SULF2: variants seen among roughly 807,000 people sequenced by gnomAD.
SULF2 encodes sulfatase 2.
In SULF2, 52 loss-of-function variants were observed where a neutral mutation model predicts 107.7. That is an observed-to-expected ratio of 0.48 (90% CI 0.39 to 0.61). SULF2 has a LOEUF of 0.61. Ranked by LOEUF, SULF2 falls within the 20% of genes least tolerant of loss-of-function variation. The pLI is 0.00. For synonymous variants in SULF2, 460 were observed against 464.3 expected, an observed-to-expected ratio of 0.99 and a Z score of 0.12; for missense variants, 993 against 1,177.3, an observed-to-expected ratio of 0.84 and a Z score of 2.29.
At chr20:47,737,149 C>T (rs1216219422) in intron 2 of SULF2, among the ~76,000 whole-genome samples, 1 of 152,094 alleles carries the variant, frequency 6.6e-6, no homozygotes, top group Non-Finnish European at 1.5e-5. Context: ...CCTGGACACT[C>T]CTGAGGTCCA....
intron 1 of SULF2, among the ~76,000 whole-genome samples, chr20:47,780,707 T>A (rs2090816443): frequency 6.6e-6 from 1 of 151,964 alleles, no homozygotes; most frequent in Non-Finnish European, 1.5e-5. Context: ...GCAAGCACCA[T>A]CACACCTGGC....
At position 47,724,479 on chromosome 20, in the gene SULF2, C is replaced by T. The variant is rs539519459; in HGVS notation, c.415+12224G>A. Among the ~76,000 whole-genome samples, 13 of 152,276 alleles carry T rather than the reference C, an allele frequency of 8.5e-5. No homozygotes were observed. The South Asian group carries it at 2.7e-3, about 32-fold the overall frequency. The stretch of plus-strand genomic sequence containing the variant: ...CTCTGGGTGTTGGTGGCATGGAGGG[C>T]GGGCTGCCTGTGCCTAATTAAATGC... On this transcript the variant is annotated intron_variant, in intron 3 of 20. Coordinates refer to ENST00000688720, the MANE Select transcript of SULF2 (RefSeq NM_001387048.1).
chr20:47,779,974 G>A (rs1043677839), intron 1 of SULF2, among the ~76,000 whole-genome samples: 6 of 150,132 alleles, frequency 4.0e-5, no homozygotes, highest in South Asian at 2.1e-4. Flanking sequence ...CATCTCTGAC[G>A]TGCCCTCCCC....
chr20:47,705,493 G>A (rs920117553), intron 3 of SULF2, among the ~76,000 whole-genome samples: 7 of 152,128 alleles, frequency 4.6e-5, no homozygotes, highest in South Asian at 4.1e-4. Flanking sequence ...TGAGATTCCC[G>A]GGCAAGCTAA....
intron 1 of SULF2, among the ~76,000 whole-genome samples, chr20:47,759,641 G>A (rs1326229664): frequency 6.6e-6 from 1 of 152,188 alleles, no homozygotes; most frequent in African/African-American, 2.4e-5. Context: ...GCAGTGAGCC[G>A]AGATCATGTC....
intron 1 of SULF2, among the ~76,000 whole-genome samples, chr20:47,766,768 A>G (rs2090536069): frequency 6.6e-6 from 1 of 152,258 alleles, no homozygotes; most frequent in African/African-American, 2.4e-5. Flanking sequence ...GTGAGAACAG[A>G]GTGGCCATGG....
chr20:47,737,903 G>A (rs1009392277), intron 2 of SULF2, among the ~76,000 whole-genome samples: 5 of 151,276 alleles, frequency 3.3e-5, no homozygotes, highest in East Asian at 1.9e-4. Context: ...GCCCCTATAC[G>A]CAGCTAGTTT....
At chr20:47,753,539 G>T (rs1457308687) in intron 2 of SULF2, among the ~76,000 whole-genome samples, 1 of 152,186 alleles carries the variant, frequency 6.6e-6, no homozygotes, top group African/African-American at 2.4e-5. Flanking sequence ...AACACGACTT[G>T]GTTTTCACTG....
chr20:47,659,978 G>A (rs1042607201), intron 18 of SULF2, among the ~76,000 whole-genome samples: 22 of 152,182 alleles, frequency 1.4e-4, no homozygotes, highest in African/African-American at 5.3e-4. Context: ...GGACCCTGAT[G>A]GCTTCATTCA....
chr20:47,761,197 TGC>T (rs1466096032), intron 1 of SULF2, among the ~76,000 whole-genome samples: 3 of 152,206 alleles, frequency 2.0e-5, no homozygotes, highest in Non-Finnish European at 4.4e-5. Flanking sequence ...GGCTCCCTCC[TGC>T]AAGTACTATT....
intron 3 of SULF2, among the ~76,000 whole-genome samples, chr20:47,702,877 G>A (rs892539087): frequency 1.3e-5 from 2 of 152,104 alleles, no homozygotes; most frequent in East Asian, 3.9e-4. Context: ...TTGGAAATAC[G>A]GTTATCAAAA....
At chr20:47,750,742 C>G (rs183216595) in intron 2 of SULF2, among the ~76,000 whole-genome samples, 196 of 152,380 alleles carry the variant, frequency 1.3e-3, no homozygotes, top group African/African-American at 4.5e-3. Flanking sequence ...CACCACCTCC[C>G]TATTACCGTT....
Position 47,683,054 on chromosome 20 carries a change from T to A in SULF2, c.1004A>T (p.Tyr335Phe). The change falls in exon 7 of 21, where the codon TAT (tyrosine) becomes TTT (phenylalanine). Residue 335 changes from tyrosine (Y) to phenylalanine (F), a missense_variant. Coordinates refer to ENST00000688720, the MANE Select transcript of SULF2 (RefSeq NM_001387048.1). ...GAACGGGACCCTGATGTCAAACTCA[T>A]ATGGCATGGATTTCCCTTTCACCAG... ...FGLVKGKSMP[Y>F]EFDIRVPFYV... 1.2e-6 allele frequency: 2 copies of A among 1,613,634 alleles called. No homozygotes were observed. Among genetic ancestry groups the A allele is most frequent in the Non-Finnish European group, 1.7e-6 (2 of 1,179,902 alleles).
chr20:47,784,419 C>T (rs113305091), intron 1 of SULF2, among the ~76,000 whole-genome samples: 3,010 of 152,176 alleles, frequency 0.02, 45 homozygotes, highest in South Asian at 0.037. Flanking sequence ...AGGAGAGGGT[C>T]GTCACAGGCA....
intron 20 of SULF2, among the ~76,000 whole-genome samples, chr20:47,658,727 T>C (rs928747876): frequency 6.6e-6 from 1 of 152,206 alleles, no homozygotes; most frequent in African/African-American, 2.4e-5. Flanking sequence ...CAGGTTTATA[T>C]GCATATAAAG....
At chr20:47,697,510 A>AACCCCGGGCTC (rs1366690118) in intron 4 of SULF2, among the ~76,000 whole-genome samples, 1 of 152,126 alleles carries the variant, frequency 6.6e-6, no homozygotes, top group African/African-American at 2.4e-5. Context: ...CTTGGCTGGA[A>AACCCCGGGCTC]ACCCCGGGCT....
At chr20:47,763,972 C>T (rs1026228306) in intron 1 of SULF2, among the ~76,000 whole-genome samples, 10 of 152,326 alleles carry the variant, frequency 6.6e-5, no homozygotes, top group South Asian at 2.1e-4. Flanking sequence ...ATCACCTCTC[C>T]GACCTTATTG....
At chr20:47,774,512 T>C (rs2090690550) in intron 1 of SULF2, among the ~76,000 whole-genome samples, 1 of 152,152 alleles carries the variant, frequency 6.6e-6, no homozygotes, top group African/African-American at 2.4e-5. Context: ...GGAGTTGACT[T>C]TGCCCCGTAA....
chr20:47,699,201 G>T (rs988733612), intron 4 of SULF2, among the ~76,000 whole-genome samples: 2 of 152,096 alleles, frequency 1.3e-5, no homozygotes, highest in Admixed American at 6.5e-5. Context: ...GTGCCAGACT[G>T]TGAGCTCCAG....
Sources: gnomAD v4.1 joint callset for allele counts (sites outside exome capture counted in the v4.1 genomes callset) on GRCh38, gnomAD v4.1.1 for gene constraint, MANE v1.5 for transcripts, NCBI Gene and HGNC (gene_info 2026-07-23, HGNC 2026-07-21) for gene names.